Variants in GPR158 observed in about 807,000 individuals in gnomAD.
The protein encoded by GPR158 is G protein-coupled receptor 158.
In GPR158, 30 loss-of-function variants were observed where a neutral mutation model predicts 78.2. That is an observed-to-expected ratio of 0.38 (90% confidence interval 0.29 to 0.52). The LOEUF (loss-of-function observed/expected upper bound fraction) is 0.52. Among genes scored for constraint, GPR158 ranks in the 20% least tolerant of loss-of-function variants. The pLI is 0.83. For missense variants in GPR158, 1,463 were observed against 1,523.5 expected, an observed-to-expected ratio of 0.96 and a Z score of 0.66; for synonymous variants, 581 against 591.1, an observed-to-expected ratio of 0.98 and a Z score of 0.25.
chr10:25,265,684 T>G (rs1035998179), intron 2 of GPR158, among the ~76,000 whole-genome samples: 3 of 152,144 alleles, frequency 2.0e-5, no homozygotes, highest in Non-Finnish European at 4.4e-5. Flanking sequence ...GAAAGACCTT[T>G]CAGTTGGCTA....
chr10:25,494,199 A>T (rs545410628), intron 5 of GPR158, among the ~76,000 whole-genome samples: 1 of 152,190 alleles, frequency 6.6e-6, no homozygotes, highest in South Asian at 2.1e-4. Flanking sequence ...TTGGGGGGAA[A>T]GAATCTTTGG....
intron 2 of GPR158, among the ~76,000 whole-genome samples, chr10:25,392,687 C>T (rs1433499255): frequency 6.6e-6 from 1 of 151,950 alleles, no homozygotes; most frequent in African/African-American, 2.4e-5. Flanking sequence ...ACTAGGTTAA[C>T]TGAACTAATT....
At chr10:25,470,063 G>A (rs1358260707) in intron 5 of GPR158, among the ~76,000 whole-genome samples, 1 of 152,010 alleles carries the variant, frequency 6.6e-6, no homozygotes, top group Non-Finnish European at 1.5e-5. Flanking sequence ...TCCTTCCTGT[G>A]GCCACTAAGG....
intron 1 of GPR158, among the ~76,000 whole-genome samples, chr10:25,179,854 T>C (rs1045055947): frequency 6.6e-6 from 1 of 152,180 alleles, no homozygotes; most frequent in African/African-American, 2.4e-5. Context: ...ATATTTTTAC[T>C]TTTAACATTA....
At position 25,176,829 on chromosome 10, in the gene GPR158, CTGT is replaced by C. The variant is rs1045731665; in HGVS notation, c.902+512_902+514del. On this transcript the variant is annotated intron_variant, in intron 1 of 10. Coordinates refer to ENST00000376351, the MANE Select transcript of GPR158 (RefSeq NM_020752.3). This position sits in a 1 kb window ranked among gnomAD's most constrained non-coding sequence, Gnocchi z 6.3. ...TACGTGTGCAGTTGGGGGCACCGGT[CTGT>C]TGTTAGTCAGAGCTTATAATTAAAA... 1.8e-4 allele frequency among the ~76,000 whole-genome samples: 27 copies of C among 152,332 alleles called. No homozygotes were observed. The highest frequency in any genetic ancestry group is 6.3e-4 in the African/African-American group (26 of 41,578).
chr10:25,429,397 A>G (rs1386560990), intron 4 of GPR158, among the ~76,000 whole-genome samples: 1 of 152,258 alleles, frequency 6.6e-6, no homozygotes, highest in East Asian at 1.9e-4. Flanking sequence ...GTATTTTGTC[A>G]AAAAGCAAAT....
At chr10:25,280,144 G>A (rs1854248025) in intron 2 of GPR158, among the ~76,000 whole-genome samples, 1 of 151,946 alleles carries the variant, frequency 6.6e-6, no homozygotes, top group South Asian at 2.1e-4. Context: ...ATAAACAACG[G>A]TAAAAATGAA....
At chr10:25,369,596 C>T (rs1170068130) in intron 2 of GPR158, among the ~76,000 whole-genome samples, 3 of 151,280 alleles carry the variant, frequency 2.0e-5, no homozygotes, top group Admixed American at 1.3e-4. Flanking sequence ...ATTTTTGCAT[C>T]GATGTTCATC....
At chr10:25,510,320 T>G (rs1836068307) in intron 5 of GPR158, among the ~76,000 whole-genome samples, 1 of 152,194 alleles carries the variant, frequency 6.6e-6, no homozygotes, top group Non-Finnish European at 1.5e-5. Flanking sequence ...AATAAAAAAG[T>G]ATATACTATA....
chr10:25,515,554 A>G (rs1316463880), intron 5 of GPR158, among the ~76,000 whole-genome samples: 77 of 117,520 alleles, frequency 6.6e-4, no homozygotes, highest in Admixed American at 1.0e-3. Context: ...AGAGTGTGAT[A>G]TTCCCCTTCC....
rs528044040 is a variant in GPR158, at chr10:25,531,676, G to A, written c.1405-19300G>A. Among the ~76,000 whole-genome samples, 13 of 152,272 alleles carry A rather than the reference G, an allele frequency of 8.5e-5. No homozygotes were observed. The South Asian group carries it at 2.5e-3, about 29-fold the overall frequency. On this transcript the variant is annotated intron_variant, in intron 5 of 10. Coordinates refer to ENST00000376351, the MANE Select transcript of GPR158 (RefSeq NM_020752.3). The stretch of plus-strand genomic sequence containing the variant: ...GAGGGAATTTATAAGGATCTGGTAG[G>A]ATCACCTCATGCTCGCTTTAGACAG...
In GPR158 at chr10:25,189,802, TAA is replaced by T. The variant is rs1168911746; in HGVS notation, c.902+13492_902+13493del. ...AAGTATAATTTAAAAAAAAAACCTT[TAA>T]AAAAAAAAAAAGAGAAAAGAAAGGA... On this transcript the variant is annotated intron_variant, in intron 1 of 10. Transcript: ENST00000376351. Among the ~76,000 whole-genome samples, 389 of 127,400 alleles carry T rather than the reference TAA, an allele frequency of 3.1e-3. 4 individuals are homozygous for T. Among genetic ancestry groups the T allele is most frequent in the African/African-American group, 0.011 (377 of 34,480 alleles). The allele number at this position is 127,400 out of a possible 152,430, so 83.6% of individuals were successfully genotyped here. A position where few individuals can be genotyped will look rare whatever the true frequency, so the allele number is the denominator to read the frequency against.
chr10:25,541,994 A>ATTATAAATTATAT (rs1450200026), intron 5 of GPR158, among the ~76,000 whole-genome samples: 3 of 145,374 alleles, frequency 2.1e-5, no homozygotes, highest in African/African-American at 7.6e-5. Context: ...ATATATTATA[A>ATTATAAATTATAT]ATTATAAATT....
At chr10:25,385,151 C>T (rs1025948202) in intron 2 of GPR158, among the ~76,000 whole-genome samples, 3 of 151,998 alleles carry the variant, frequency 2.0e-5, no homozygotes, top group African/African-American at 7.2e-5. Context: ...TGGAAAACAC[C>T]GTTCCACTTT....
intron 5 of GPR158, among the ~76,000 whole-genome samples, chr10:25,489,060 T>C (rs1835770134): frequency 6.6e-6 from 1 of 152,174 alleles, no homozygotes; most frequent in African/African-American, 2.4e-5. Flanking sequence ...CTAGAATTTC[T>C]TTGAAGTCAG....
chr10:25,210,056 T>C (rs1001722559), intron 1 of GPR158, among the ~76,000 whole-genome samples: 1 of 152,170 alleles, frequency 6.6e-6, no homozygotes, highest in Non-Finnish European at 1.5e-5. Context: ...AGTCGTGAAA[T>C]TATGAATCTA....
chr10:25,585,117 C>T (rs1321902535), intron 7 of GPR158, among the ~76,000 whole-genome samples: 1 of 152,166 alleles, frequency 6.6e-6, no homozygotes, highest in Non-Finnish European at 1.5e-5. Context: ...ATGCTTCTAC[C>T]TTTAGTTTCT....
chr10:25,560,556 C>A (rs149750529), intron 6 of GPR158, among the ~76,000 whole-genome samples: 3 of 152,182 alleles, frequency 2.0e-5, no homozygotes, highest in African/African-American at 7.2e-5. Context: ...TGAGCCATTG[C>A]GCCCATCCTA....
At chr10:25,588,491 A>C (rs935498269) in intron 7 of GPR158, among the ~76,000 whole-genome samples, 1 of 152,246 alleles carries the variant, frequency 6.6e-6, no homozygotes, top group African/African-American at 2.4e-5. Flanking sequence ...TATTTATAAA[A>C]TATGCCACTG....
Sources: allele counts gnomAD v4.1 joint callset (sites outside exome capture counted in the v4.1 genomes callset), GRCh38; gene constraint gnomAD v4.1.1; non-coding constraint Gnocchi (gnomAD v3.1); transcripts MANE v1.5; gene names NCBI Gene and HGNC (gene_info 2026-07-23, HGNC 2026-07-21).